Variants in ADAMTS3 observed in about 807,000 individuals in gnomAD.
The protein encoded by ADAMTS3 is A disintegrin and metalloproteinase with thrombospondin motifs 3.
In ADAMTS3, 73 loss-of-function variants were observed where a neutral mutation model predicts 129.0. That is an observed-to-expected ratio of 0.57 (90% confidence interval 0.47 to 0.69). The LOEUF (loss-of-function observed/expected upper bound fraction) is 0.69, where lower values mean the gene tolerates loss of function less well. Among genes scored for constraint, ADAMTS3 ranks in the 30% least tolerant of loss-of-function variants. ADAMTS3 has a pLI of 0.00. For synonymous variants in ADAMTS3, 477 were observed against 510.8 expected (o/e 0.93, Z 0.89); for missense variants, 1,457 against 1,514.5 (o/e 0.96, Z 0.63).
At chr4:72,416,532 G>A (rs1722310098) in intron 3 of ADAMTS3, among the ~76,000 whole-genome samples, 2 of 152,106 alleles carry the variant, frequency 1.3e-5, no homozygotes, top group South Asian at 4.1e-4. Context: ...AGAGCATTGA[G>A]CTAGTGGGTA....
chr4:72,394,962 G>C (rs556964053), intron 4 of ADAMTS3, among the ~76,000 whole-genome samples: 2 of 147,578 alleles, frequency 1.4e-5, no homozygotes, highest in Non-Finnish European at 3.0e-5. Flanking sequence ...TTTCACTCTT[G>C]TTGCCCAGGC....
chr4:72,327,113 T>G (rs10031291), intron 5 of ADAMTS3, among the ~76,000 whole-genome samples: 1 of 152,278 alleles, frequency 6.6e-6, no homozygotes, highest in Non-Finnish European at 1.5e-5. Flanking sequence ...AGAAAAATAT[T>G]GAAAAAAATC....
At chr4:72,538,935 T>C (rs958245826) in intron 3 of ADAMTS3, among the ~76,000 whole-genome samples, 1 of 152,138 alleles carries the variant, frequency 6.6e-6, no homozygotes, top group Non-Finnish European at 1.5e-5. Context: ...TTTCAACAAA[T>C]GGAGCTTGGA....
In ADAMTS3 at chr4:72,309,453, T is replaced by A. The variant is rs756629294; in HGVS notation, c.2123A>T (p.Asp708Val). 1 of 1,612,258 alleles carries A rather than the reference T, an allele frequency of 6.2e-7. No homozygotes were observed. Among genetic ancestry groups the A allele is most frequent in the East Asian group, 2.2e-5 (1 of 44,780 alleles). ...CTTCACGGTTCGGCAGTGGGAATTA[T>A]CTCCTCCACAGACACCACACTTATC... ...VEDKCGVCGG[D>V]NSHCRTVKGT... Residue 708 changes from aspartate (D) to valine (V), a missense_variant, in exon 15 of 22, where the codon GAT becomes GTT. Transcript: ENST00000286657.
At chr4:72,553,872 TA>T (rs1435469600) in intron 2 of ADAMTS3, among the ~76,000 whole-genome samples, 2 of 152,198 alleles carry the variant, frequency 1.3e-5, no homozygotes, top group African/African-American at 2.4e-5. Flanking sequence ...GCCTTTTCTG[TA>T]AAAGATATTT....
chr4:72,465,171 A>G (rs1041480986), intron 3 of ADAMTS3, among the ~76,000 whole-genome samples: 1 of 152,030 alleles, frequency 6.6e-6, no homozygotes, highest in Non-Finnish European at 1.5e-5. Context: ...CAGGTATCAG[A>G]GGAACCATTT....
intron 21 of ADAMTS3, among the ~76,000 whole-genome samples, chr4:72,287,251 G>C (rs902808563): frequency 6.6e-6 from 1 of 151,872 alleles, no homozygotes; most frequent in Non-Finnish European, 1.5e-5. Flanking sequence ...TTAGAACTCT[G>C]AGCAATAATT....
intron 3 of ADAMTS3, among the ~76,000 whole-genome samples, chr4:72,473,484 G>C (rs898701917): frequency 8.6e-5 from 13 of 151,750 alleles, no homozygotes; most frequent in African/African-American, 2.7e-4. Context: ...CAATGGTCTA[G>C]GAAATGGCCA....
intron 3 of ADAMTS3, among the ~76,000 whole-genome samples, chr4:72,497,790 CT>C (rs1414997126): frequency 6.6e-6 from 1 of 151,806 alleles, no homozygotes; most frequent in African/African-American, 2.4e-5. Flanking sequence ...ACTGACCAGC[CT>C]AATTTTAACT....
At chr4:72,517,691 A>G (rs1003805464) in intron 3 of ADAMTS3, among the ~76,000 whole-genome samples, 12 of 151,812 alleles carry the variant, frequency 7.9e-5, no homozygotes, top group Non-Finnish European at 2.9e-5. Context: ...TATCCCCTTT[A>G]TCATTTTTTA....
At chr4:72,564,600 G>T (rs1015473178) in intron 2 of ADAMTS3, among the ~76,000 whole-genome samples, 9 of 152,132 alleles carry the variant, frequency 5.9e-5, no homozygotes, top group African/African-American at 2.2e-4. Context: ...CTAGGTCAGG[G>T]TTCAAAACCT....
chr4:72,324,382 G>T (rs1719641796), intron 5 of ADAMTS3, among the ~76,000 whole-genome samples: 1 of 152,098 alleles, frequency 6.6e-6, no homozygotes, highest in African/African-American at 2.4e-5. Flanking sequence ...TCAGGGTCTT[G>T]AATGTAGACT....
At chr4:72,548,431 CACT>C (rs1399387660) in intron 3 of ADAMTS3, 44 bp downstream of exon 3, 2 of 1,576,572 alleles carry the variant, frequency 1.3e-6, no homozygotes, top group African/African-American at 2.7e-5. Flanking sequence ...GCCATGGCTG[CACT>C]CCCAGCACCT....
chr4:72,499,286 C>A (rs1029297201), intron 3 of ADAMTS3, among the ~76,000 whole-genome samples: 9 of 152,126 alleles, frequency 5.9e-5, no homozygotes, highest in African/African-American at 2.2e-4. Flanking sequence ...AAAGTAAGCG[C>A]AAGCTTTAGA....
chr4:72,385,556 A>G (rs567245733), intron 4 of ADAMTS3, among the ~76,000 whole-genome samples: 2 of 152,268 alleles, frequency 1.3e-5, no homozygotes, highest in Admixed American at 1.3e-4. Flanking sequence ...GAATAATAAT[A>G]ATAAAAAAGC....
intron 14 of ADAMTS3, among the ~76,000 whole-genome samples, chr4:72,310,120 G>A (rs914613628): frequency 2.0e-5 from 3 of 152,016 alleles, no homozygotes; most frequent in Non-Finnish European, 4.4e-5. Flanking sequence ...TTCATGATAA[G>A]GAAAGAACAG....
At chr4:72,421,208 T>C (rs1013930875) in intron 3 of ADAMTS3, among the ~76,000 whole-genome samples, 10 of 152,252 alleles carry the variant, frequency 6.6e-5, no homozygotes, top group Non-Finnish European at 8.8e-5. Context: ...CTTTCTGCTC[T>C]AGCCACATGG....
At chr4:72,496,047 A>G (rs1287018768) in intron 3 of ADAMTS3, among the ~76,000 whole-genome samples, 3 of 152,112 alleles carry the variant, frequency 2.0e-5, no homozygotes, top group Admixed American at 2.0e-4. Flanking sequence ...TATTTTTTCC[A>G]TTTAATCTTT....
chr4:72,360,350 G>A (rs780930882), intron 4 of ADAMTS3, among the ~76,000 whole-genome samples: 1 of 151,794 alleles, frequency 6.6e-6, no homozygotes, highest in East Asian at 1.9e-4. Flanking sequence ...GAATGCCTAC[G>A]GTCTCATAAA....
Sources: allele counts gnomAD v4.1 joint callset (sites outside exome capture counted in the v4.1 genomes callset), GRCh38; gene constraint gnomAD v4.1.1; transcripts MANE v1.5; gene names NCBI Gene and HGNC (gene_info 2026-07-23, HGNC 2026-07-21).